SENP2: variants seen among roughly 807,000 people sequenced by gnomAD.
SENP2 encodes the protein sentrin-specific protease 2.
In SENP2, 16 loss-of-function variants were observed where a neutral mutation model predicts 86.3. The observed-to-expected ratio is 0.19, with a 90% confidence interval of 0.13 to 0.28. The LOEUF is 0.28. Ranked by LOEUF, SENP2 falls within the 10% of genes least tolerant of loss-of-function variation. The pLI, the probability that SENP2 is intolerant of heterozygous loss-of-function variation, is 1.00. For missense variants in SENP2, 552 were observed against 703.0 expected (o/e 0.79, Z 2.43); for synonymous variants, 222 against 238.7 (o/e 0.93, Z 0.64).
At chr3:185,628,828 A>G (rs1402308910) in intron 16 of SENP2, among the ~76,000 whole-genome samples, 1 of 152,212 alleles carries the variant, frequency 6.6e-6, no homozygotes, top group Non-Finnish European at 1.5e-5. Context: ...TTCCGTATAC[A>G]CTAGAAGGAC....
At chr3:185,595,235 C>G (rs920327900) in intron 2 of SENP2, among the ~76,000 whole-genome samples, 1 of 151,978 alleles carries the variant, frequency 6.6e-6, no homozygotes, top group Non-Finnish European at 1.5e-5. Context: ...GTTTAGTAGC[C>G]ACAATTTGCT....
intron 14 of SENP2, 80 bp from the exon 15 acceptor site, chr3:185,623,918 A>C: frequency 1.4e-6 from 1 of 696,092 alleles, no homozygotes; most frequent in Non-Finnish European, 2.4e-6. Flanking sequence ...TCTGTTTAAC[A>C]TCAGAAAGCC....
At chr3:185,607,531 C>T (rs1446912305) in intron 6 of SENP2, among the ~76,000 whole-genome samples, 1 of 151,676 alleles carries the variant, frequency 6.6e-6, no homozygotes, top group Middle Eastern at 3.2e-3. Flanking sequence ...GTTTTCACCA[C>T]GTTGGCCAGT....
rs1489987901 is a variant in SENP2 at position 185,586,345 on chromosome 3, C to A, written c.-69C>A. On this transcript the variant is annotated 5_prime_UTR_variant, in exon 1 of 17. Coordinates refer to ENST00000296257, the MANE Select transcript of SENP2 (RefSeq NM_021627.3). The surrounding 1 kb of genome is among the most constrained non-coding windows in gnomAD (Gnocchi z 4.3). ...GTGGTGGTTAAGACGGCGAAGGCGG[C>A]AGCGGCGGCGACAGCTCTGGGGTTT... 11 of 1,593,814 alleles carry A rather than the reference C, an allele frequency of 6.9e-6. No individual in the cohort carries two copies.
At chr3:185,606,830 G>A (rs138802256) in intron 6 of SENP2, 44 of 508,928 alleles carry the variant, frequency 8.6e-5, no homozygotes, top group South Asian at 4.6e-4. Flanking sequence ...GCAGAAAATC[G>A]TTGTGAAAGT....
chr3:185,623,946 TTAA>T, intron 14 of SENP2, 49 bp from the exon 15 acceptor site: 1 of 1,082,430 alleles, frequency 9.2e-7, no homozygotes, highest in Non-Finnish European at 1.4e-6. Context: ...ACCATAATGG[TTAA>T]TTTCTTTAGG....
rs1201590683 is a variant in SENP2, at chr3:185,598,978, T to G, written c.312T>G (p.Ser104=). 6.2e-7 allele frequency: 1 copy of G among 1,613,166 alleles called. No homozygotes were observed. The highest frequency in any genetic ancestry group is 8.5e-7 in the Non-Finnish European group (1 of 1,179,736). ...PSGEVFSNSS[S]CELTGSGSWN... Reference sequence around the variant, plus strand: ...TTAAGGTATTTTCGAACTCTTCATCTTGTGAACTGACAGGTTCTGGATCCT... The same window carrying G: ...TTAAGGTATTTTCGAACTCTTCATCGTGTGAACTGACAGGTTCTGGATCCT... The change falls in exon 4 of 17, where the codon TCT becomes TCG. Residue 104 remains serine, a synonymous_variant. Transcript: ENST00000296257.
At chr3:185,627,835 T>C (rs1347371628) in intron 16 of SENP2, among the ~76,000 whole-genome samples, 1 of 152,214 alleles carries the variant, frequency 6.6e-6, no homozygotes. Context: ...ACAACCTCAT[T>C]AAAGAATATT....
In SENP2 at chr3:185,626,415, C is replaced by G. The variant is rs1357248081; in HGVS notation, c.1707+22C>G. On this transcript the variant is annotated intron_variant, in intron 16 of 16. Coordinates refer to ENST00000296257, the MANE Select transcript of SENP2 (RefSeq NM_021627.3). ...TCAGGTGAGTGAAGACCCTCTTCAT[C>G]CATTTACTTGTTACTAAGCAAGATA... The G allele has an allele frequency of 4.0e-6, 6 of 1,506,072 alleles. No homozygotes were observed. The African/African-American group carries it at 8.2e-5, about 21-fold the overall frequency. The allele number at this position is 1,506,072 out of a possible 1,614,324, so 93.3% of individuals were successfully genotyped here.
At chr3:185,612,844 G>T (rs1260254816) in intron 9 of SENP2, among the ~76,000 whole-genome samples, 186 bp downstream of exon 9, 21 of 152,174 alleles carry the variant, frequency 1.4e-4, no homozygotes, top group Admixed American at 1.3e-3. Flanking sequence ...GGTGGGTTGA[G>T]GGGGGTGCCC....
chr3:185,608,549 C>T (rs1025961339), intron 6 of SENP2, among the ~76,000 whole-genome samples: 3 of 152,100 alleles, frequency 2.0e-5, no homozygotes, highest in East Asian at 1.9e-4. Flanking sequence ...CCTGGAAGCT[C>T]GTGGATATAT....
intron 1 of SENP2, among the ~76,000 whole-genome samples, chr3:185,587,788 G>T (rs1244519737): frequency 1.4e-5 from 2 of 142,896 alleles, no homozygotes; most frequent in African/African-American, 5.2e-5. Context: ...AGGCTGAAGT[G>T]CGGTGGCACG....
At chr3:185,595,990 G>A (rs74211200) in intron 2 of SENP2, among the ~76,000 whole-genome samples, 12,935 of 151,942 alleles carry the variant, frequency 0.085, 861 homozygotes, top group South Asian at 0.34. Context: ...TTTTGAGATG[G>A]AGTCTCACGC....
chr3:185,610,409 G>A (rs7644758), intron 7 of SENP2, among the ~76,000 whole-genome samples: 2 of 151,798 alleles, frequency 1.3e-5, no homozygotes, highest in African/African-American at 4.8e-5. Context: ...TAGTCCACCA[G>A]CCTCAGCCTC....
Position 185,614,678 on chromosome 3 carries a change from G to C in SENP2, c.1048G>C (p.Glu350Gln). The C allele has an allele frequency of 6.2e-7, 1 of 1,614,220 alleles. No individual in the cohort carries two copies. Residue 350 changes from glutamate to glutamine, a missense_variant, in exon 11 of 17, where the codon GAA becomes CAA. Coordinates refer to ENST00000296257, the MANE Select transcript of SENP2 (RefSeq NM_021627.3). The stretch of plus-strand genomic sequence containing the variant: ...GAAAGTGTCAATAATTGAGACAAAG[G>C]AAAAGAATTGCTCAGGCAAAGAGAG... ...RRKVSIIETK[E>Q]KNCSGKERDR...
chr3:185,619,774 C>A (rs1030946221), intron 13 of SENP2, among the ~76,000 whole-genome samples: 3 of 152,008 alleles, frequency 2.0e-5, no homozygotes, highest in Non-Finnish European at 4.4e-5. Flanking sequence ...GTTGCCCAGG[C>A]TGGAGTGAAC....
At chr3:185,611,881 G>C in intron 8 of SENP2, 136 bp downstream of exon 8, 1 of 672,414 alleles carries the variant, frequency 1.5e-6, no homozygotes, top group South Asian at 1.9e-5. Flanking sequence ...ATTGGGCCGG[G>C]CGCGGTGGCT....
chr3:185,629,787 G>A lies in SENP2; in HGVS notation c.1713G>A (p.Gln571=). The A allele has an allele frequency of 1.2e-6, 2 of 1,614,178 alleles. No individual in the cohort carries two copies. Among genetic ancestry groups the A allele is most frequent in the Non-Finnish European group, 1.7e-6 (2 of 1,180,020 alleles). ...GTTTATGGGGTTCTTTGCAGCACCA[G>A]ATGCCTCTCTTCCGGAAGAAGATGG... ...RDKPITFTQH[Q]MPLFRKKMVW... is the part of the protein sequence containing the mutation. The change falls in exon 17 of 17, where the codon CAG becomes CAA. Residue 571 remains glutamine (Q), a synonymous_variant. Coordinates refer to ENST00000296257, the MANE Select transcript of SENP2 (RefSeq NM_021627.3).
At chr3:185,601,041 CTTTTTTT>C (rs11315344) in intron 5 of SENP2, among the ~76,000 whole-genome samples, 186 bp downstream of exon 5, 8 of 75,522 alleles carry the variant, frequency 1.1e-4, no homozygotes, top group Non-Finnish European at 1.5e-4. Context: ...CTTTTCTTGT[CTTTTTTT>C]TTTTTTTTTT....
Sources: allele counts gnomAD v4.1 joint callset (sites outside exome capture counted in the v4.1 genomes callset), GRCh38; gene constraint gnomAD v4.1.1; non-coding constraint Gnocchi (gnomAD v3.1); transcripts MANE v1.5; gene names NCBI Gene and HGNC (gene_info 2026-07-23, HGNC 2026-07-21).